THSD7B: variants seen among roughly 807,000 people sequenced by gnomAD.
THSD7B encodes thrombospondin type 1 domain containing 7B, also known as thrombospondin type-1 domain-containing protein 7B.
Under a neutral mutation model 213.6 loss-of-function variants are expected in THSD7B, and 138 were observed. The ratio of observed to expected loss-of-function variants is 0.65; its 90% CI spans 0.56 to 0.74. The LOEUF is 0.74. Ranked by LOEUF, THSD7B falls within the 30% of genes least tolerant of loss-of-function variation. THSD7B has a pLI of 0.00. For missense variants in THSD7B, 1,931 were observed against 1,991.5 expected, an observed-to-expected ratio of 0.97 and a Z score of 0.58; for synonymous variants, 742 against 687.0, an observed-to-expected ratio of 1.08 and a Z score of -1.25.
At chr2:137,164,215 G>A (rs1304824835) in intron 6 of THSD7B, among the ~76,000 whole-genome samples, 1 of 152,132 alleles carries the variant, frequency 6.6e-6, no homozygotes, top group Non-Finnish European at 1.5e-5. Context: ...ATAACCAGAG[G>A]TGGGGAGTGT....
intron 15 of THSD7B, among the ~76,000 whole-genome samples, chr2:137,457,818 G>A (rs1687791982): frequency 6.6e-6 from 1 of 152,064 alleles, no homozygotes; most frequent in Non-Finnish European, 1.5e-5. Flanking sequence ...ACTTTAAAAA[G>A]TTTGTGGAAA....
intron 2 of THSD7B, among the ~76,000 whole-genome samples, chr2:137,022,533 CA>C (rs1378241710): frequency 6.7e-6 from 1 of 149,862 alleles, no homozygotes; most frequent in South Asian, 2.1e-4. Context: ...AGATGTACCA[CA>C]AAAAAATCTT....
chr2:136,804,538 C>T (rs1219847655), intron 1 of THSD7B, among the ~76,000 whole-genome samples: 2 of 151,902 alleles, frequency 1.3e-5, no homozygotes, highest in African/African-American at 4.8e-5. Context: ...GCCATAAAGA[C>T]CAATATGAAT....
chr2:137,654,494 T>C (rs1024725803), intron 21 of THSD7B, among the ~76,000 whole-genome samples: 1 of 152,184 alleles, frequency 6.6e-6, no homozygotes, highest in Non-Finnish European at 1.5e-5. Context: ...CCTGCCAGGA[T>C]ACTGAAGATG....
In THSD7B at chr2:136,886,157, G is replaced by A. The variant is rs113427542; in HGVS notation, c.139+3840G>A. Among the ~76,000 whole-genome samples the A allele has an allele frequency of 4.2e-3, 644 of 152,224 alleles. 4 individuals carry two copies. Among genetic ancestry groups the A allele is most frequent in the African/African-American group, 0.014 (602 of 41,526 alleles). ...AGGGTGATGGGAGCTCAGGTGAGAC[G>A]GGTAACGGGGTCCACATGGGGTATG... On this transcript the variant is annotated intron_variant, in intron 2 of 27. Coordinates refer to ENST00000409968, the MANE Select transcript of THSD7B (RefSeq NM_001316349.2).
chr2:137,571,225 T>G (rs1193398982), intron 16 of THSD7B, among the ~76,000 whole-genome samples: 3 of 152,216 alleles, frequency 2.0e-5, no homozygotes, highest in Non-Finnish European at 4.4e-5. Flanking sequence ...TACTCTTTTG[T>G]GTCTAGCTTC....
At chr2:137,662,670 G>A (rs1231454628) in intron 25 of THSD7B, among the ~76,000 whole-genome samples, 3 of 152,182 alleles carry the variant, frequency 2.0e-5, no homozygotes, top group Non-Finnish European at 4.4e-5. Context: ...TCAGTAAGAA[G>A]GGTGGGTTGG....
rs957278842 is a variant in THSD7B, at chr2:137,620,627, C to G, written c.3700C>G (p.Gln1234Glu). 1 of 1,613,628 alleles carries G rather than the reference C, an allele frequency of 6.2e-7. No individual in the cohort carries two copies. The change falls in exon 20 of 28, where the codon CAG (glutamine) becomes GAG (glutamate). Residue 1234 changes from glutamine to glutamate, a missense_variant. Transcript: ENST00000409968. The part of the protein sequence containing the change: ...QCEQHNLEKP[Q>E]RMSIPCLVEC... Reference sequence around the variant, plus strand: ...TTTGCAGCATAATTTGGAGAAGCCCCAGAGAATGAGCATTCCCTGCTTGGT... The same window carrying G: ...TTTGCAGCATAATTTGGAGAAGCCCGAGAGAATGAGCATTCCCTGCTTGGT...
At chr2:137,146,530 T>G (rs1275155647) in intron 5 of THSD7B, among the ~76,000 whole-genome samples, 3 of 152,172 alleles carry the variant, frequency 2.0e-5, no homozygotes, top group African/African-American at 4.8e-5. Context: ...AGTACTCATC[T>G]CATAGAATTT....
chr2:136,953,509 T>C lies in THSD7B; in HGVS notation c.139+71192T>C, dbSNP rs142832593. On this transcript the variant is annotated intron_variant, in intron 2 of 27. Transcript: ENST00000409968. ...CTTAAGGATAAGTATATCCTTTTCT[T>C]GTACATGTAGAGATTATTTCTAGAT... Among the ~76,000 whole-genome samples the C allele has an allele frequency of 1.7e-3, 266 of 152,106 alleles. 4 individuals are homozygous for C. In the East Asian group the frequency reaches 0.046, roughly 26 times the overall value.
chr2:137,378,889 C>T (rs1365576031), intron 12 of THSD7B, among the ~76,000 whole-genome samples: 3 of 152,208 alleles, frequency 2.0e-5, no homozygotes, highest in African/African-American at 7.2e-5. Flanking sequence ...CCTCCCTCCT[C>T]TGTGACCCAC....
intron 15 of THSD7B, among the ~76,000 whole-genome samples, chr2:137,483,813 T>C (rs1445832484): frequency 6.6e-6 from 1 of 152,082 alleles, no homozygotes; most frequent in Admixed American, 6.5e-5. Flanking sequence ...GTATGACTGG[T>C]TATAACCTTA....
At chr2:136,969,882 A>G (rs1161213104) in intron 2 of THSD7B, among the ~76,000 whole-genome samples, 1 of 152,214 alleles carries the variant, frequency 6.6e-6, no homozygotes. Context: ...GACAGATGGG[A>G]ATCTTTCCAA....
At chr2:136,868,984 C>T (rs1683388290) in intron 1 of THSD7B, among the ~76,000 whole-genome samples, 1 of 152,056 alleles carries the variant, frequency 6.6e-6, no homozygotes, top group South Asian at 2.1e-4. Context: ...TTATAATTAA[C>T]CTAAACTCCT....
chr2:136,909,534 A>G (rs566808930), intron 2 of THSD7B, among the ~76,000 whole-genome samples: 4 of 152,298 alleles, frequency 2.6e-5, no homozygotes, highest in African/African-American at 9.6e-5. Context: ...TTTGAGCTCA[A>G]TAAATGCGTA....
chr2:137,402,024 T>G lies in THSD7B; in HGVS notation c.2501-3589T>G, dbSNP rs184261356. On this transcript the variant is annotated intron_variant, in intron 12 of 27. Transcript: ENST00000409968. ...AACAAATGAGGCATGGTGAGGAGAA[T>G]GTGTGTACATATACTTGCTTGGAGA... 2.3e-3 allele frequency among the ~76,000 whole-genome samples: 348 copies of G among 152,286 alleles called. 1 individual carries two copies. Among genetic ancestry groups the G allele is most frequent in the African/African-American group, 7.6e-3 (314 of 41,546 alleles).
intron 1 of THSD7B, among the ~76,000 whole-genome samples, chr2:136,800,870 T>C (rs1573643893): frequency 6.6e-6 from 1 of 151,960 alleles, no homozygotes; most frequent in Non-Finnish European, 1.5e-5. Flanking sequence ...TTGTAGATCT[T>C]AGAGACTTAC....
chr2:137,466,408 G>GGCCT (rs1390198165), intron 15 of THSD7B, among the ~76,000 whole-genome samples: 1 of 152,150 alleles, frequency 6.6e-6, no homozygotes, highest in Non-Finnish European at 1.5e-5. Flanking sequence ...TCCAACCCAT[G>GGCCT]GCCTGCCTGT....
chr2:137,544,000 C>G (rs1042800276), intron 15 of THSD7B, among the ~76,000 whole-genome samples: 1 of 151,700 alleles, frequency 6.6e-6, no homozygotes, highest in Non-Finnish European at 1.5e-5. Context: ...TTGTAATCAT[C>G]ATGTATTGTT....
Sources: allele counts gnomAD v4.1 joint callset (sites outside exome capture counted in the v4.1 genomes callset), GRCh38; gene constraint gnomAD v4.1.1; transcripts MANE v1.5; gene names NCBI Gene and HGNC (gene_info 2026-07-23, HGNC 2026-07-21).